Variants in ATP9A observed in about 807,000 individuals in gnomAD.
The protein encoded by ATP9A is probable phospholipid-transporting ATPase IIA.
In ATP9A, 52 loss-of-function variants were observed where a neutral mutation model predicts 144.1. That is an observed-to-expected ratio of 0.36 (90% CI 0.29 to 0.45). ATP9A has a LOEUF of 0.45. Ranked by LOEUF, ATP9A falls within the 20% of genes least tolerant of loss-of-function variation. The probability of loss-of-function intolerance (pLI) is 1.00; values close to 1 mark genes in which losing one functional copy is unlikely to be tolerated. For missense variants in ATP9A, 947 were observed against 1,392.7 expected, an observed-to-expected ratio of 0.68 and a Z score of 5.09; for synonymous variants, 582 against 557.4, an observed-to-expected ratio of 1.04 and a Z score of -0.62.
At chr20:51,602,160 T>G (rs1039359433) in intron 27 of ATP9A, among the ~76,000 whole-genome samples, 7 of 151,292 alleles carry the variant, frequency 4.6e-5, no homozygotes, top group Non-Finnish European at 8.9e-5. Context: ...GGGACTCTGA[T>G]GGAAGGTGGG....
chr20:51,646,212 G>A (rs918106766), intron 14 of ATP9A, among the ~76,000 whole-genome samples: 5 of 152,184 alleles, frequency 3.3e-5, no homozygotes, highest in Non-Finnish European at 5.9e-5. Context: ...TTCTTGGCCA[G>A]CAATAAACCA....
At chr20:51,726,313 CAAAAAAA>C (rs11476208) in intron 2 of ATP9A, among the ~76,000 whole-genome samples, 14 of 70,780 alleles carry the variant, frequency 2.0e-4, no homozygotes, top group African/African-American at 5.4e-4. Context: ...AACTCTGTCT[CAAAAAAA>C]AAAAAAAAAA....
chr20:51,755,174 A>C (rs1249303671), intron 1 of ATP9A, among the ~76,000 whole-genome samples: 1 of 152,138 alleles, frequency 6.6e-6, no homozygotes, highest in African/African-American at 2.4e-5. Context: ...GTGATGGCTC[A>C]CGCCTGTAAT....
chr20:51,695,128 G>A (rs141207574), intron 6 of ATP9A, among the ~76,000 whole-genome samples: 1,770 of 152,018 alleles, frequency 0.012, 41 homozygotes, highest in African/African-American at 0.04. Flanking sequence ...AAAAACCTCC[G>A]ATCATGCCAG....
chr20:51,664,977 G>A (rs565639773), intron 13 of ATP9A, among the ~76,000 whole-genome samples: 6 of 150,436 alleles, frequency 4.0e-5, no homozygotes, highest in Admixed American at 1.3e-4. Flanking sequence ...TGATCTGCCC[G>A]CCTCGGCCTC....
chr20:51,622,364 G>C (rs1368321488), intron 18 of ATP9A, among the ~76,000 whole-genome samples, 192 bp from the exon 19 acceptor site: 3 of 152,312 alleles, frequency 2.0e-5, no homozygotes, highest in African/African-American at 7.2e-5. Flanking sequence ...AGCAACCACT[G>C]CTGGTAGCAG....
At chr20:51,678,194 G>A (rs1178029262) in intron 9 of ATP9A, among the ~76,000 whole-genome samples, 1 of 152,042 alleles carries the variant, frequency 6.6e-6, no homozygotes, top group African/African-American at 2.4e-5. Flanking sequence ...CATCATCTGA[G>A]CCAAAACTTG....
At chr20:51,625,390 T>C (rs2077244117) in intron 17 of ATP9A, 28 bp from the exon 18 acceptor site, 1 of 1,598,900 alleles carries the variant, frequency 6.3e-7, no homozygotes, top group Non-Finnish European at 8.5e-7. Flanking sequence ...ATGCAGTCAC[T>C]GCTTAGGGTG....
intron 1 of ATP9A, among the ~76,000 whole-genome samples, chr20:51,740,437 CG>C (rs2077779979): frequency 8.3e-6 from 1 of 120,142 alleles, no homozygotes; most frequent in Non-Finnish European, 1.8e-5. Context: ...AGGCCAGGCG[CG>C]GTGGCTCACA....
At chr20:51,710,615 T>C (rs565354818) in intron 4 of ATP9A, among the ~76,000 whole-genome samples, 2 of 152,314 alleles carry the variant, frequency 1.3e-5, no homozygotes, top group Non-Finnish European at 2.9e-5. Flanking sequence ...CACAACAAAC[T>C]GCAGCGCTAG....
chr20:51,698,440 G>A (rs1169315199), intron 4 of ATP9A, among the ~76,000 whole-genome samples: 6 of 152,278 alleles, frequency 3.9e-5, no homozygotes, highest in African/African-American at 1.4e-4. Context: ...TGGGAGGATC[G>A]CTTGTGCCCA....
At chr20:51,683,303 C>A (rs1026853671) in intron 9 of ATP9A, among the ~76,000 whole-genome samples, 1 of 151,810 alleles carries the variant, frequency 6.6e-6, no homozygotes, top group East Asian at 2.0e-4. Context: ...CTCGCTCTGT[C>A]GCCCAGGCTG....
intron 1 of ATP9A, among the ~76,000 whole-genome samples, chr20:51,765,773 T>C (rs2077901274): frequency 6.6e-6 from 1 of 151,864 alleles, no homozygotes; most frequent in Non-Finnish European, 1.5e-5. Context: ...CTGGCCAACA[T>C]GGTGAAACAA....
chr20:51,613,720 C>G lies in ATP9A; in HGVS notation c.2528G>C (p.Ser843Thr). 1 of 1,614,180 alleles carries G rather than the reference C, an allele frequency of 6.2e-7. No homozygotes were observed. The highest frequency in any genetic ancestry group is 8.5e-7 in the Non-Finnish European group (1 of 1,180,022). Residue 843 changes from serine (S) to threonine (T), a missense_variant, in exon 23 of 28, where the codon AGC (serine) becomes ACC (threonine). Coordinates refer to ENST00000338821, the MANE Select transcript of ATP9A (RefSeq NM_006045.3). ...GAGGCTCCTGTGAATCACGAACTGG[C>G]TGAGGGCGGCTGACCGCTTGTAGCT... ...RNSYKRSAAL[S>T]QFVIHRSLCI... is the part of the protein sequence containing the mutation.
At chr20:51,625,471 G>A (rs1403466145) in intron 17 of ATP9A, 109 bp from the exon 18 acceptor site, 7 of 1,315,558 alleles carry the variant, frequency 5.3e-6, no homozygotes, top group Non-Finnish European at 4.1e-6. Context: ...ACACGGGGTG[G>A]GGGACCCCAG....
chr20:51,634,871 C>T (rs1196949634), intron 15 of ATP9A, among the ~76,000 whole-genome samples: 3 of 53,370 alleles, frequency 5.6e-5, no homozygotes, highest in Non-Finnish European at 1.0e-4. Context: ...AAAAAAAAAT[C>T]CCCTAACGTG....
chr20:51,761,131 G>C (rs2077878585), intron 1 of ATP9A, among the ~76,000 whole-genome samples: 1 of 152,118 alleles, frequency 6.6e-6, no homozygotes, highest in Non-Finnish European at 1.5e-5. Context: ...TATCAGTAAA[G>C]CAAGAATAAA....
intron 27 of ATP9A, 53 bp from the exon 28 acceptor site, chr20:51,601,400 G>A (rs749863587): frequency 2.6e-6 from 4 of 1,519,738 alleles, no homozygotes; most frequent in African/African-American, 1.4e-5. Context: ...TCCGGAAGGT[G>A]CATGGGGTCC....
rs1321213853 is a variant in ATP9A at position 51,599,891 on chromosome 20, T to C, written c.*1320A>G. On this transcript the variant is annotated 3_prime_UTR_variant, in exon 28 of 28. Coordinates refer to ENST00000338821, the MANE Select transcript of ATP9A (RefSeq NM_006045.3). ...ACCCTTATGGCATGCATATGTGGCT[T>C]CTGCAAGAAGCAACTTGAAAACCCA... The C allele has an allele frequency of 1.3e-5, 2 of 152,250 alleles. No individual in the cohort carries two copies. The highest frequency in any genetic ancestry group is 2.4e-5 in the African/African-American group (1 of 41,466). The allele number at this position is 152,250 out of a possible 1,614,324, so 9.4% of individuals were successfully genotyped here.
Sources: gnomAD v4.1 joint callset for allele counts (sites outside exome capture counted in the v4.1 genomes callset) on GRCh38, gnomAD v4.1.1 for gene constraint, MANE v1.5 for transcripts, NCBI Gene and HGNC (gene_info 2026-07-23, HGNC 2026-07-21) for gene names.